ATG13: variants seen among roughly 807,000 people sequenced by gnomAD.
ATG13 encodes the protein autophagy related 13.
Under a neutral mutation model 65.5 loss-of-function variants are expected in ATG13, and 23 were observed. The observed-to-expected ratio is 0.35, with a 90% CI of 0.25 to 0.50. ATG13 has a LOEUF of 0.50. Among genes scored for constraint, ATG13 ranks in the 20% least tolerant of loss-of-function variants. The pLI is 0.98. For missense variants in ATG13, 566 were observed against 677.0 expected (o/e 0.84, Z 1.82); for synonymous variants, 252 against 245.2 (o/e 1.03, Z -0.26).
chr11:46,619,649 A>G (rs1265472288), intron 1 of ATG13, among the ~76,000 whole-genome samples: 4 of 151,768 alleles, frequency 2.6e-5, no homozygotes, highest in East Asian at 1.9e-4. Flanking sequence ...TGGCCTCCCA[A>G]AGTGCTGGGA....
At position 46,649,195 on chromosome 11, in the gene ATG13, G is replaced by A. The variant is rs753077047; in HGVS notation, c.317+12G>A. 14 of 1,610,794 alleles carry A rather than the reference G, an allele frequency of 8.7e-6. No homozygotes were observed. The South Asian group carries it at 8.8e-5, about 10-fold the overall frequency. ...GAAATGAATGAAAAGTAAGTGCTGC[G>A]TCTTAGGGTCCTTGGTTGTGGTTGC... On this transcript the variant is annotated intron_variant, in intron 6 of 18. Transcript: ENST00000683050.
At chr11:46,630,567 G>GATTT (rs1591546997) in intron 2 of ATG13, among the ~76,000 whole-genome samples, 1 of 95,244 alleles carries the variant, frequency 1.0e-5, no homozygotes, top group African/African-American at 8.4e-5. Flanking sequence ...GAAATTAGAG[G>GATTT]CTTTTTTTTT....
At chr11:46,634,227 C>T (rs2053075524) in intron 2 of ATG13, among the ~76,000 whole-genome samples, 1 of 151,906 alleles carries the variant, frequency 6.6e-6, no homozygotes, top group African/African-American at 2.4e-5. Context: ...TCCTCAGTAG[C>T]TGGGATTACA....
intron 11 of ATG13, 83 bp from the exon 12 acceptor site, chr11:46,663,914 A>C: frequency 9.9e-7 from 1 of 1,010,686 alleles, no homozygotes; most frequent in Non-Finnish European, 1.4e-6. Context: ...CCCCTTCCAG[A>C]GTTTCTTCAC....
chr11:46,666,691 C>A (rs958335210), intron 14 of ATG13, among the ~76,000 whole-genome samples: 3 of 152,202 alleles, frequency 2.0e-5, no homozygotes, highest in African/African-American at 7.2e-5. Flanking sequence ...CGAGCAGATT[C>A]TCTGACTCCA....
chr11:46,623,648 G>A (rs759013181), intron 1 of ATG13, among the ~76,000 whole-genome samples: 9 of 151,918 alleles, frequency 5.9e-5, no homozygotes, highest in African/African-American at 9.7e-5. Flanking sequence ...GGCTGGTCTC[G>A]AACTCCTGAC....
intron 2 of ATG13, among the ~76,000 whole-genome samples, chr11:46,641,660 C>T (rs1042123123): frequency 1.3e-5 from 2 of 151,938 alleles, no homozygotes; most frequent in Admixed American, 1.3e-4. Context: ...TGTTCTATAA[C>T]TGTATCTGGA....
chr11:46,645,461 G>C (rs1167065606), intron 4 of ATG13, 42 bp downstream of exon 4: 2 of 1,540,016 alleles, frequency 1.3e-6, no homozygotes, highest in Non-Finnish European at 8.9e-7. Flanking sequence ...TGTAGTGTTT[G>C]TCACAAGGAA....
chr11:46,644,150 G>A (rs2056913282), intron 2 of ATG13, 129 bp from the exon 3 acceptor site: 3 of 604,620 alleles, frequency 5.0e-6, no homozygotes, highest in East Asian at 3.1e-5. Flanking sequence ...TTTAGTTAAA[G>A]GAAATTTTTT....
At chr11:46,643,155 C>T (rs1484186770) in intron 2 of ATG13, among the ~76,000 whole-genome samples, 3 of 152,088 alleles carry the variant, frequency 2.0e-5, no homozygotes, top group African/African-American at 7.2e-5. Flanking sequence ...GGCCCAAAAC[C>T]AGAGGTCTCT....
intron 2 of ATG13, among the ~76,000 whole-genome samples, chr11:46,636,557 C>CAAA (rs374517009): frequency 1.7e-3 from 81 of 46,920 alleles, no homozygotes; most frequent in African/African-American, 2.0e-3. Context: ...GACTCCGTCT[C>CAAA]AAAAAAAAAA....
intron 17 of ATG13, among the ~76,000 whole-genome samples, chr11:46,669,139 G>A (rs989329098): frequency 1.3e-5 from 2 of 152,158 alleles, no homozygotes; most frequent in African/African-American, 4.8e-5. Flanking sequence ...AACTCTAAAT[G>A]GAGATTTTCC....
At chr11:46,643,719 G>T (rs1733527703) in intron 2 of ATG13, among the ~76,000 whole-genome samples, 5 of 151,386 alleles carry the variant, frequency 3.3e-5, no homozygotes, top group Admixed American at 3.3e-4. Context: ...GCCTCCCAAT[G>T]TGTTGGGATT....
chr11:46,618,193 A>T (rs775831281), intron 1 of ATG13: 1 of 297,784 alleles, frequency 3.4e-6, no homozygotes, highest in Non-Finnish European at 6.1e-6. Context: ...TTGGGTGCCA[A>T]TATGAGTGAG....
At chr11:46,625,237 T>C (rs2049086410) in intron 1 of ATG13, 1 of 150,766 alleles carries the variant, frequency 6.6e-6, no homozygotes, top group South Asian at 2.1e-4. Context: ...ATTTTTTTTT[T>C]CCTAAGGTAC....
intron 11 of ATG13, among the ~76,000 whole-genome samples, chr11:46,660,510 C>T (rs1026491362): frequency 1.7e-4 from 25 of 150,486 alleles, no homozygotes; most frequent in African/African-American, 5.1e-4. Flanking sequence ...CCCGGGTTCA[C>T]GCCATTCTCC....
chr11:46,622,881 C>T (rs2048218365), intron 1 of ATG13, among the ~76,000 whole-genome samples: 1 of 152,138 alleles, frequency 6.6e-6, no homozygotes, highest in African/African-American at 2.4e-5. Flanking sequence ...GTATATATTT[C>T]TTTTAGATTT....
intron 2 of ATG13, chr11:46,632,548 A>C (rs2052161457): frequency 6.6e-6 from 1 of 152,144 alleles, no homozygotes; most frequent in East Asian, 1.9e-4. Context: ...TGGCCTTAAA[A>C]CCTATACTAT....
intron 1 of ATG13, among the ~76,000 whole-genome samples, chr11:46,619,834 C>G (rs984358346): frequency 2.6e-5 from 4 of 151,632 alleles, no homozygotes; most frequent in African/African-American, 9.7e-5. Context: ...TCAAGACCAG[C>G]CTGGCCAACA....
Sources: allele counts gnomAD v4.1 joint callset (sites outside exome capture counted in the v4.1 genomes callset), GRCh38; gene constraint gnomAD v4.1.1; transcripts MANE v1.5; gene names NCBI Gene and HGNC (gene_info 2026-07-23, HGNC 2026-07-21).